COL11A1: variants seen among roughly 807,000 people sequenced by gnomAD.
The protein encoded by COL11A1 is collagen type XI alpha 1 chain, also known as collagen alpha-1(XI) chain.
In COL11A1, 74 loss-of-function variants were observed where a neutral mutation model predicts 265.2. That is an observed-to-expected ratio of 0.28 (90% CI 0.23 to 0.34). The LOEUF is 0.34. Among genes scored for constraint, COL11A1 ranks in the 10% least tolerant of loss-of-function variants. The probability of loss-of-function intolerance (pLI) is 1.00; values close to 1 mark genes in which losing one functional copy is unlikely to be tolerated. For missense variants in COL11A1, 2,165 were observed against 2,263.6 expected (o/e 0.96, Z 0.88); for synonymous variants, 816 against 727.6 (o/e 1.12, Z -1.96).
At chr1:103,041,808 G>A (rs1409072065) in intron 4 of COL11A1, among the ~76,000 whole-genome samples, 1 of 151,888 alleles carries the variant, frequency 6.6e-6, no homozygotes, top group Non-Finnish European at 1.5e-5. Flanking sequence ...AACAGTAAAC[G>A]ATGGAAGGCT....
At chr1:103,076,841 G>C (rs1054270358) in intron 3 of COL11A1, among the ~76,000 whole-genome samples, 4 of 152,130 alleles carry the variant, frequency 2.6e-5, no homozygotes, top group African/African-American at 7.2e-5. Context: ...GTGCTCTACA[G>C]ACTGCCAGCC....
intron 1 of COL11A1, among the ~76,000 whole-genome samples, chr1:103,101,503 C>T (rs1321203283): frequency 1.3e-5 from 2 of 151,862 alleles, no homozygotes; most frequent in African/African-American, 2.4e-5. Context: ...TGGCAGTCAT[C>T]CTTTCAGGGA....
chr1:102,944,263 G>T (rs1359073387), intron 42 of COL11A1, among the ~76,000 whole-genome samples: 1 of 152,072 alleles, frequency 6.6e-6, no homozygotes, highest in Admixed American at 6.6e-5. Context: ...ATAACATTTT[G>T]CCCAACATTT....
At chr1:103,064,140 C>A (rs1385797772) in intron 4 of COL11A1, among the ~76,000 whole-genome samples, 5 of 152,152 alleles carry the variant, frequency 3.3e-5, no homozygotes, top group Non-Finnish European at 7.4e-5. Context: ...GTTTATTTAG[C>A]AAGACAGTTT....
chr1:102,978,599 G>T, intron 35 of COL11A1, 109 bp downstream of exon 35: 1 of 1,160,792 alleles, frequency 8.6e-7, no homozygotes, highest in Non-Finnish European at 1.3e-6. Flanking sequence ...ACTAGATTTT[G>T]TGGATAGACA....
chr1:102,941,336 C>A (rs11164643), intron 42 of COL11A1, among the ~76,000 whole-genome samples: 3 of 152,184 alleles, frequency 2.0e-5, no homozygotes, highest in South Asian at 2.1e-4. Context: ...TTTCCCCATA[C>A]GTATTCTTAC....
intron 36 of COL11A1, among the ~76,000 whole-genome samples, chr1:102,973,057 G>GT (rs1662122339): frequency 6.6e-6 from 1 of 151,870 alleles, no homozygotes; most frequent in African/African-American, 2.4e-5. Flanking sequence ...ACAGGAAGAG[G>GT]TTTTTTCTAT....
At chr1:103,070,155 G>C (rs1378189891) in intron 4 of COL11A1, among the ~76,000 whole-genome samples, 1 of 150,242 alleles carries the variant, frequency 6.7e-6, no homozygotes, top group Non-Finnish European at 1.5e-5. Context: ...CCACTAATAG[G>C]GTGAATGGAT....
At chr1:102,948,130 G>T (rs1659511508) in intron 41 of COL11A1, among the ~76,000 whole-genome samples, 1 of 151,774 alleles carries the variant, frequency 6.6e-6, no homozygotes, top group African/African-American at 2.4e-5. Context: ...GTTCTAATTT[G>T]TATTTTTATT....
chr1:103,000,937 G>A, intron 24 of COL11A1: 1 of 377,576 alleles, frequency 2.6e-6, no homozygotes, highest in Non-Finnish European at 4.7e-6. Context: ...AAGGAGCAAA[G>A]TACTAATATA....
chr1:103,088,539 C>T (rs1367087672), intron 1 of COL11A1, among the ~76,000 whole-genome samples: 1 of 152,094 alleles, frequency 6.6e-6, no homozygotes, highest in African/African-American at 2.4e-5. Context: ...CACATGAAAA[C>T]TATATGAAAT....
chr1:103,052,794 C>G (rs889408025), intron 4 of COL11A1, among the ~76,000 whole-genome samples: 6 of 152,026 alleles, frequency 3.9e-5, no homozygotes, highest in African/African-American at 1.4e-4. Context: ...CTATAAACAC[C>G]GTGACAAACT....
intron 4 of COL11A1, among the ~76,000 whole-genome samples, chr1:103,039,744 GT>G (rs71739451): frequency 0.11 from 16,210 of 148,878 alleles, 1,052 homozygotes; most frequent in Non-Finnish European, 0.14. Context: ...TAATACTAGG[GT>G]TTTTTTTTTA....
Position 102,962,734 on chromosome 1 carries a change from T to C in COL11A1, c.2943A>G (p.Ile981Met). 6.2e-7 allele frequency: 1 copy of C among 1,614,122 alleles called. No individual in the cohort carries two copies. Among genetic ancestry groups the C allele is most frequent in the African/African-American group, 1.3e-5 (1 of 75,044 alleles). ...PQGPTGETGP[I>M]GERGHPGPPG... ...GAGGGCCAGGATGCCCACGTTCCCC[T>C]ATTGGACCAGTCTCACCGGTTGGTC... is the stretch of plus-strand genomic sequence containing the variant. The change falls in exon 39 of 67, where the codon ATA becomes ATG. Residue 981 changes from isoleucine to methionine, a missense_variant. Physicochemically the swap from Ile to Met is conservative, Grantham distance 10. Transcript: ENST00000370096.
chr1:103,056,352 C>T (rs939066169), intron 4 of COL11A1, among the ~76,000 whole-genome samples: 6 of 152,102 alleles, frequency 3.9e-5, no homozygotes, highest in Non-Finnish European at 7.4e-5. Context: ...AGGAATTGAA[C>T]TGAAATTAAA....
At chr1:102,892,594 C>A (rs1651903900) in intron 57 of COL11A1, among the ~76,000 whole-genome samples, 2 of 152,170 alleles carry the variant, frequency 1.3e-5, no homozygotes, top group East Asian at 1.9e-4. Context: ...AGAGCTGCTG[C>A]ATGAATGAGG....
Position 103,074,761 on chromosome 1 carries a change from T to C in COL11A1, c.508A>G (p.Ser170Gly). The change falls in exon 4 of 67, where the codon AGC (serine) becomes GGC (glycine). Residue 170 changes from serine to glycine, a missense_variant. Physicochemically the swap from Ser to Gly is moderately conservative, Grantham distance 56. Transcript: ENST00000370096. Reference protein sequence around the residue: ...ADGKWHRVAISVEKKTVTMIV... With the variant: ...ADGKWHRVAIGVEKKTVTMIV... ...ATTGTCACAGTTTTCTTCTCCACGCTGATTGCTACCCGATGCCACCTAAAA... is the reference window on the plus strand; with the variant it reads ...ATTGTCACAGTTTTCTTCTCCACGCCGATTGCTACCCGATGCCACCTAAAA... 6.2e-7 allele frequency: 1 copy of C among 1,613,288 alleles called. No individual in the cohort carries two copies. The highest frequency in any genetic ancestry group is 8.5e-7 in the Non-Finnish European group (1 of 1,179,560).
intron 4 of COL11A1, among the ~76,000 whole-genome samples, chr1:103,048,179 T>C (rs574776283): frequency 1.5e-4 from 23 of 152,324 alleles, no homozygotes; most frequent in African/African-American, 5.5e-4. Flanking sequence ...GAAGGAATGG[T>C]ACCAGCTCCT....
intron 62 of COL11A1, among the ~76,000 whole-genome samples, 186 bp downstream of exon 62, chr1:102,888,391 A>C (rs1570634369): frequency 6.6e-6 from 1 of 152,230 alleles, no homozygotes; most frequent in East Asian, 1.9e-4. Flanking sequence ...TTATATTTGA[A>C]GAGTGAAATC....
Sources: gnomAD v4.1 joint callset for allele counts (sites outside exome capture counted in the v4.1 genomes callset) on GRCh38, gnomAD v4.1.1 for gene constraint, MANE v1.5 for transcripts, NCBI Gene and HGNC (gene_info 2026-07-23, HGNC 2026-07-21) for gene names.